The following TFCP2 variants were observed in gnomAD, a reference collection of about 807,000 sequenced individuals.
The protein encoded by TFCP2 is transcription factor CP2.
TFCP2 carries 33 observed loss-of-function variants against 73.4 expected under a neutral mutation model. That is an observed-to-expected ratio of 0.45 (90% CI 0.34 to 0.60). The LOEUF is 0.60. TFCP2 is among the 20% of genes least tolerant of loss of function. The pLI, the probability that TFCP2 is intolerant of heterozygous loss-of-function variation, is 0.01. For synonymous variants in TFCP2, 193 were observed against 211.6 expected (o/e 0.91, Z 0.76); for missense variants, 352 against 604.0 (o/e 0.58, Z 4.37).
intron 4 of TFCP2, among the ~76,000 whole-genome samples, chr12:51,116,073 T>C (rs1940524073): frequency 6.6e-6 from 1 of 152,212 alleles, no homozygotes; most frequent in Non-Finnish European, 1.5e-5. Context: ...TTACCACAAC[T>C]TAAAAAACAA....
chr12:51,132,558 T>TG (rs903752367), intron 1 of TFCP2, among the ~76,000 whole-genome samples: 50 of 151,366 alleles, frequency 3.3e-4, no homozygotes, highest in African/African-American at 1.1e-3. Flanking sequence ...TTAGTAGAGA[T>TG]GGGGGTTTCA....
At chr12:51,117,302 T>C (rs1303939015) in intron 3 of TFCP2, among the ~76,000 whole-genome samples, 1 of 152,198 alleles carries the variant, frequency 6.6e-6, no homozygotes, top group Non-Finnish European at 1.5e-5. Context: ...CTGCTCTTCA[T>C]CAAAGTAGCT....
chr12:51,106,776 C>A lies in TFCP2; in HGVS notation c.829-163G>T, dbSNP rs1485725960. Reference sequence around the variant, plus strand: ...TGCTTCTCTTTCCGCCATCTTGGAGCCTGTGGGGAGGCCTGCTGAGAATAG... The same window carrying A: ...TGCTTCTCTTTCCGCCATCTTGGAGACTGTGGGGAGGCCTGCTGAGAATAG... On this transcript the variant is annotated intron_variant, in intron 7 of 14. Transcript: ENST00000257915. 5 of 618,802 alleles carry A rather than the reference C, an allele frequency of 8.1e-6. No homozygotes were observed. In the Admixed American group the frequency reaches 1.3e-4, roughly 16 times the overall value. The allele number at this position is 618,802 out of a possible 1,614,324, so 38.3% of individuals were successfully genotyped here.
chr12:51,172,609 G>GATCGTT lies in TFCP2; in HGVS notation c.-188_-187insAACGAT. Reference sequence around the variant, plus strand: ...CAACTAATCTCCCGTACCCTTGGCTGCTCGTTCTTGGCTGCCCCAGGTTCC... The same window carrying GATCGTT: ...CAACTAATCTCCCGTACCCTTGGCTGATCGTTCTCGTTCTTGGCTGCCCCAGGTTCC... On this transcript the variant is annotated 5_prime_UTR_variant, in exon 1 of 15. Transcript: ENST00000257915. The GATCGTT allele has an allele frequency of 1.4e-6, 1 of 706,236 alleles. No individual in the cohort carries two copies. Among genetic ancestry groups the GATCGTT allele is most frequent in the East Asian group, 3.1e-5 (1 of 32,770 alleles). The allele number at this position is 706,236 out of a possible 1,614,324, so 43.7% of individuals were successfully genotyped here.
At chr12:51,141,759 A>G (rs1941196327) in intron 1 of TFCP2, among the ~76,000 whole-genome samples, 1 of 151,202 alleles carries the variant, frequency 6.6e-6, no homozygotes, top group Non-Finnish European at 1.5e-5. Flanking sequence ...AAAAAAAAAT[A>G]GCTGGGCATG....
intron 1 of TFCP2, among the ~76,000 whole-genome samples, chr12:51,133,193 G>C (rs1168356615): frequency 6.7e-6 from 1 of 150,370 alleles, no homozygotes; most frequent in Non-Finnish European, 1.5e-5. Flanking sequence ...AAAAATAACA[G>C]AGCACAAAAC....
intron 1 of TFCP2, among the ~76,000 whole-genome samples, chr12:51,170,354 A>ATTTTTTTTTTTTTTTTTTTTTTTTT (rs1565583653): frequency 1.1e-5 from 1 of 90,084 alleles, no homozygotes; most frequent in African/African-American, 4.8e-5. Flanking sequence ...TTTTTTTTTA[A>ATTTTTTTTTTTTTTTTTTTTTTTTT]TTTTAAGAGA....
Position 51,135,164 on chromosome 12 carries a change from C to T in TFCP2, c.123-16392G>A, listed in dbSNP as rs187883863. 4.0e-5 allele frequency among the ~76,000 whole-genome samples: 6 copies of T among 150,702 alleles called. No individual in the cohort carries two copies. In the East Asian group the frequency reaches 1.2e-3, roughly 30 times the overall value. On this transcript the variant is annotated intron_variant, in intron 1 of 14. Transcript: ENST00000257915. ...ATTCAGGGCCAGGCACAGTGGCTCACACCTGTAATCCCAGCACTTTGGGAG... is the reference window on the plus strand; with the variant it reads ...ATTCAGGGCCAGGCACAGTGGCTCATACCTGTAATCCCAGCACTTTGGGAG...
At chr12:51,120,047 C>T (rs1279633820) in intron 1 of TFCP2, among the ~76,000 whole-genome samples, 3 of 151,614 alleles carry the variant, frequency 2.0e-5, no homozygotes, top group Admixed American at 6.6e-5. Flanking sequence ...GGTGTGGTGG[C>T]GCATGCCTGT....
intron 1 of TFCP2, among the ~76,000 whole-genome samples, chr12:51,159,981 G>A (rs1040180494): frequency 1.3e-5 from 2 of 151,934 alleles, no homozygotes; most frequent in African/African-American, 4.8e-5. Context: ...GTAAATTGCA[G>A]TTAATTCCTC....
chr12:51,129,321 G>A (rs546490007), intron 1 of TFCP2, among the ~76,000 whole-genome samples: 99 of 152,002 alleles, frequency 6.5e-4, no homozygotes, highest in African/African-American at 2.2e-3. Context: ...AGACCAGCCC[G>A]GCCAACATGG....
At chr12:51,107,378 G>C in intron 6 of TFCP2, 32 bp from the exon 7 acceptor site, 2 of 1,570,452 alleles carry the variant, frequency 1.3e-6, no homozygotes, top group Non-Finnish European at 1.7e-6. Flanking sequence ...TTTAAATTCA[G>C]GTACTCACCT....
At chr12:51,136,302 T>TAAAAAA (rs11312082) in intron 1 of TFCP2, among the ~76,000 whole-genome samples, 4 of 136,730 alleles carry the variant, frequency 2.9e-5, no homozygotes, top group Non-Finnish European at 3.1e-5. Context: ...AGACTCTAAA[T>TAAAAAA]AAAAAAAAAA....
intron 4 of TFCP2, 111 bp from the exon 5 acceptor site, chr12:51,111,094 A>T: frequency 2.7e-6 from 2 of 738,098 alleles, no homozygotes; most frequent in Non-Finnish European, 4.6e-6. Context: ...TTTGTATATC[A>T]CATCCTAAAT....
intron 10 of TFCP2, among the ~76,000 whole-genome samples, chr12:51,102,970 G>A (rs143312298): frequency 2.1e-4 from 31 of 150,718 alleles, no homozygotes; most frequent in African/African-American, 7.1e-4. Flanking sequence ...ATCCATTTGT[G>A]TATTCCTACC....
Position 51,147,528 on chromosome 12 carries a change from G to GT in TFCP2, c.122+24772dup, listed in dbSNP as rs771580415. On this transcript the variant is annotated intron_variant, in intron 1 of 14. Transcript: ENST00000257915. ...TAAAGGGAGACCAGGATAGGAAGAGGTGGGGGGGGAAAGAGAGAAGGTGAC... is the reference window on the plus strand; with the variant it reads ...TAAAGGGAGACCAGGATAGGAAGAGGTTGGGGGGGGAAAGAGAGAAGGTGAC... Among the ~76,000 whole-genome samples the GT allele has an allele frequency of 5.9e-5, 8 of 136,014 alleles. No homozygotes were observed. The East Asian group carries it at 8.1e-4, about 14-fold the overall frequency. The allele number at this position is 136,014 out of a possible 152,430, so 89.2% of individuals were successfully genotyped here.
chr12:51,133,477 G>A (rs1940996698), intron 1 of TFCP2, among the ~76,000 whole-genome samples: 1 of 152,008 alleles, frequency 6.6e-6, no homozygotes, highest in Non-Finnish European at 1.5e-5. Context: ...GCTAATTTTT[G>A]TATTTTTTTG....
At position 51,136,358 on chromosome 12, in the gene TFCP2, CT is replaced by C. The variant is rs1348936311; in HGVS notation, c.123-17587del. ...GGTTCCCTGACGGAGCATAACATCA[CT>C]GTCATCTAAATTTCTATCTCTTCAC... On this transcript the variant is annotated intron_variant, in intron 1 of 14. Coordinates refer to ENST00000257915, the MANE Select transcript of TFCP2 (RefSeq NM_005653.5). Among the ~76,000 whole-genome samples the C allele has an allele frequency of 3.6e-4, 55 of 151,466 alleles. 2 individuals carry two copies. Among genetic ancestry groups the C allele is most frequent in the Non-Finnish European group, 1.0e-4 (7 of 67,888 alleles).
At chr12:51,144,802 C>A (rs1477508757) in intron 1 of TFCP2, among the ~76,000 whole-genome samples, 2 of 152,212 alleles carry the variant, frequency 1.3e-5, no homozygotes, top group African/African-American at 4.8e-5. Flanking sequence ...TGACTCATGC[C>A]TGCAATCCCA....
Sources: gnomAD v4.1 joint callset for allele counts (sites outside exome capture counted in the v4.1 genomes callset) on GRCh38, gnomAD v4.1.1 for gene constraint, MANE v1.5 for transcripts, NCBI Gene and HGNC (gene_info 2026-07-23, HGNC 2026-07-21) for gene names.